The following KIAA0930 variants were observed in gnomAD, a reference collection of about 807,000 sequenced individuals.
KIAA0930 encodes the protein uncharacterized protein KIAA0930.
KIAA0930 carries 24 observed loss-of-function variants against 43.9 expected under a neutral mutation model. The observed-to-expected ratio is 0.55, with a 90% confidence interval of 0.40 to 0.77. The LOEUF is 0.77. KIAA0930 is among the 30% of genes least tolerant of loss of function. The probability of loss-of-function intolerance (pLI) is 0.00; values close to 1 mark genes in which losing one functional copy is unlikely to be tolerated. For synonymous variants in KIAA0930, 259 were observed against 216.4 expected (o/e 1.20, Z -1.73); for missense variants, 461 against 574.2 (o/e 0.80, Z 2.02).
intron 2 of KIAA0930, among the ~76,000 whole-genome samples, chr22:45,209,576 C>CA (rs2083674365): frequency 6.6e-6 from 1 of 152,174 alleles, no homozygotes; most frequent in Non-Finnish European, 1.5e-5. Context: ...CTCTGTCCTA[C>CA]AACCCGCCCG....
Position 45,194,782 on chromosome 22 carries a change from G to A in KIAA0930, c.*2394C>T, listed in dbSNP as rs138790080. ...AGGGATTTAGGGCCTGAGAAAGGCAGACTCCACCGAGTGTCTGTCCATCTG... is the reference window on the plus strand; with the variant it reads ...AGGGATTTAGGGCCTGAGAAAGGCAAACTCCACCGAGTGTCTGTCCATCTG... On this transcript the variant is annotated 3_prime_UTR_variant, in exon 10 of 10. Coordinates refer to ENST00000336156, the MANE Select transcript of KIAA0930 (RefSeq NM_001009880.2). 6.6e-6 allele frequency: 1 copy of A among 152,372 alleles called. No individual in the cohort carries two copies. The highest frequency in any genetic ancestry group is 2.4e-5 in the African/African-American group (1 of 41,590). The allele number at this position is 152,372 out of a possible 1,614,324, so 9.4% of individuals were successfully genotyped here.
rs571114476 is a variant in KIAA0930 at position 45,235,909 on chromosome 22, G to A, written c.64+4731C>T. Among the ~76,000 whole-genome samples the A allele has an allele frequency of 3.3e-5, 5 of 152,302 alleles. No homozygotes were observed. In the East Asian group the frequency reaches 7.7e-4, roughly 24 times the overall value. On this transcript the variant is annotated intron_variant, in intron 1 of 9. Transcript: ENST00000336156. ...CCCCGGCCCCCATCACTTATGCCCA[G>A]CTACACCTGGCCTAGCAAAGTGATG...
intron 1 of KIAA0930, among the ~76,000 whole-genome samples, 185 bp downstream of exon 1, chr22:45,240,455 G>A (rs1010025557): frequency 1.3e-5 from 2 of 151,882 alleles, no homozygotes; most frequent in African/African-American, 4.8e-5. Flanking sequence ...AGCAGAGACA[G>A]ACCCAGATGC....
intron 1 of KIAA0930, among the ~76,000 whole-genome samples, chr22:45,222,562 G>A (rs2083773604): frequency 6.6e-6 from 1 of 151,936 alleles, no homozygotes; most frequent in Non-Finnish European, 1.5e-5. Context: ...GCTTGCCTTG[G>A]CCTCCCAAAG....
At chr22:45,235,519 GCT>G (rs1361641238) in intron 1 of KIAA0930, 3 of 152,286 alleles carry the variant, frequency 2.0e-5, no homozygotes, top group Admixed American at 6.5e-5. Context: ...CCCACAACTA[GCT>G]CTGACTGCTG....
chr22:45,211,334 G>A (rs2083691385), intron 2 of KIAA0930: 1 of 398,628 alleles, frequency 2.5e-6, no homozygotes, highest in Non-Finnish European at 4.4e-6. Context: ...AGAGAAGGAA[G>A]CATGCAAAAT....
chr22:45,219,269 T>C (rs973518056), intron 1 of KIAA0930, among the ~76,000 whole-genome samples: 16 of 152,168 alleles, frequency 1.1e-4, no homozygotes, highest in African/African-American at 3.6e-4. Context: ...TACACAGTGC[T>C]CAGCAGTGCA....
intron 1 of KIAA0930, among the ~76,000 whole-genome samples, chr22:45,213,884 C>G (rs2083715248): frequency 6.6e-6 from 1 of 152,142 alleles, no homozygotes; most frequent in South Asian, 2.1e-4. Flanking sequence ...GTGGCGGGTG[C>G]CTGTAATCCC....
intron 1 of KIAA0930, among the ~76,000 whole-genome samples, chr22:45,224,142 G>A (rs1335949703): frequency 6.6e-6 from 1 of 152,112 alleles, no homozygotes; most frequent in Non-Finnish European, 1.5e-5. Context: ...TTGGAAAAAC[G>A]CTCATGGTAG....
chr22:45,213,579 G>GT, intron 1 of KIAA0930: 1 of 898,962 alleles, frequency 1.1e-6, no homozygotes, highest in Non-Finnish European at 1.4e-6. Flanking sequence ...CGCTACTACA[G>GT]ACCCTTGCAA....
At chr22:45,218,829 C>T (rs2083749797) in intron 1 of KIAA0930, among the ~76,000 whole-genome samples, 1 of 152,116 alleles carries the variant, frequency 6.6e-6, no homozygotes, top group South Asian at 2.1e-4. Flanking sequence ...TCCCCTCCCC[C>T]AACTTCTGAG....
At chr22:45,235,060 C>T (rs1477321831) in intron 1 of KIAA0930, among the ~76,000 whole-genome samples, 2 of 151,982 alleles carry the variant, frequency 1.3e-5, no homozygotes, top group Admixed American at 6.6e-5. Flanking sequence ...AAGTCTCCTG[C>T]TTGGGGCTTC....
At chr22:45,212,456 C>A (rs1271524922) in intron 1 of KIAA0930, 147 of 1,461,492 alleles carry the variant, frequency 1.0e-4, no homozygotes, top group Non-Finnish European at 1.3e-4. Flanking sequence ...GGTGTCTGGG[C>A]TGGAAGCCGG....
At chr22:45,201,897 C>A (rs2083592467) in intron 7 of KIAA0930, among the ~76,000 whole-genome samples, 1 of 152,216 alleles carries the variant, frequency 6.6e-6, no homozygotes, top group African/African-American at 2.4e-5. Flanking sequence ...GTTTACATTC[C>A]CACGCCTCTG....
chr22:45,197,895 G>T lies in KIAA0930; in HGVS notation c.1069C>A (p.Arg357=). 1 of 1,614,216 alleles carries T rather than the reference G, an allele frequency of 6.2e-7. No homozygotes were observed. Among genetic ancestry groups the T allele is most frequent in the Non-Finnish European group, 8.5e-7 (1 of 1,180,010 alleles). ...TTCAGCCAGGACCCGACCAGGGACC[G>T]TCCTGTGCCCGACAGGGACCGAGAC... ...LRSRSLSGTG[R]SLVGSWLKLN... The change falls in exon 9 of 10, where the codon CGG becomes AGG. Residue 357 remains arginine, a synonymous_variant. Coordinates refer to ENST00000336156, the MANE Select transcript of KIAA0930 (RefSeq NM_001009880.2).
rs373291407 is a variant in KIAA0930, at chr22:45,240,476, G to T, written c.64+164C>A. On this transcript the variant is annotated intron_variant, in intron 1 of 9. Transcript: ENST00000336156. ...GACAGACCCAGATGCAGGGACGGTG[G>T]GGGGGGGGCCATGGAGGAAGACAGG... Among the ~76,000 whole-genome samples the T allele has an allele frequency of 3.4e-3, 510 of 149,222 alleles. 3 individuals are homozygous for T. The highest frequency in any genetic ancestry group is 4.2e-3 in the Non-Finnish European group (277 of 66,494).
intron 1 of KIAA0930, among the ~76,000 whole-genome samples, chr22:45,227,107 C>T (rs1368128803): frequency 2.0e-5 from 3 of 152,256 alleles, no homozygotes; most frequent in African/African-American, 7.2e-5. Context: ...TCCGCCAATG[C>T]CACCCACCCT....
intron 2 of KIAA0930, 93 bp downstream of exon 2, chr22:45,211,863 A>G: frequency 8.0e-7 from 1 of 1,247,878 alleles, no homozygotes; most frequent in Non-Finnish European, 1.1e-6. Context: ...GATATGCATG[A>G]GCACTGTAGG....
chr22:45,197,008 C>T lies in KIAA0930; in HGVS notation c.*168G>A, dbSNP rs1233357431. 5.2e-6 allele frequency: 3 copies of T among 575,666 alleles called. No individual in the cohort carries two copies. The highest frequency in any genetic ancestry group is 6.1e-6 in the Non-Finnish European group (2 of 329,618). 35.7% of individuals were successfully genotyped at this position (575,666 alleles called of 1,614,324 possible). On this transcript the variant is annotated 3_prime_UTR_variant, in exon 10 of 10. Transcript: ENST00000336156. The stretch of plus-strand genomic sequence containing the variant: ...GAGGGAAGAGGCACTTCAGTTTGGG[C>T]TGGTGTTCGTGGAGTCGGCCCCGGC...
Sources: gnomAD v4.1 joint callset for allele counts (sites outside exome capture counted in the v4.1 genomes callset) on GRCh38, gnomAD v4.1.1 for gene constraint, MANE v1.5 for transcripts, NCBI Gene and HGNC (gene_info 2026-07-23, HGNC 2026-07-21) for gene names.